The following RASD2 variants were observed in gnomAD, a reference collection of about 807,000 sequenced individuals.
The protein encoded by RASD2 is RASD family member 2.
A neutral mutation model predicts 15.8 loss-of-function variants in RASD2; 7 were observed. That is an observed-to-expected ratio of 0.44 (90% CI 0.25 to 0.83). The LOEUF is 0.83. RASD2 is among the 40% of genes least tolerant of loss of function. The probability of loss-of-function intolerance (pLI) is 0.20; values close to 1 mark genes in which losing one functional copy is unlikely to be tolerated. For synonymous variants in RASD2, 155 were observed against 153.6 expected (o/e 1.01, Z -0.07); for missense variants, 274 against 382.8 (o/e 0.72, Z 2.37).
Position 35,551,711 on chromosome 22 carries a change from G to A in RASD2, c.480G>A (p.Val160=). 1 of 1,613,658 alleles carries A rather than the reference G, an allele frequency of 6.2e-7. No homozygotes were observed. The highest frequency in any genetic ancestry group is 1.1e-5 in the South Asian group (1 of 91,048). Reference sequence around the variant, plus strand: ...CCACCACCGAGGCCGAGCTGCTGGTGTCGGGCGACGAGAACTGCGCCTACT... The same window carrying A: ...CCACCACCGAGGCCGAGCTGCTGGTATCGGGCGACGAGAACTGCGCCTACT... ...QVPTTEAELL[V]SGDENCAYFE... is the part of the protein sequence containing the mutation. The change falls in exon 3 of 3, where the codon GTG becomes GTA. Residue 160 remains valine, a synonymous_variant. Transcript: ENST00000216127. The surrounding 1 kb of genome is among the most constrained non-coding windows in gnomAD (Gnocchi z 4.9).
the RASD2 span, among the ~76,000 whole-genome samples, chr22:35,533,999 G>A: frequency 6.6e-6 from 1 of 152,010 alleles, no homozygotes; most frequent in Non-Finnish European, 1.5e-5. Context: ...TGAGGATGAT[G>A]GTGATAGTGA....
chr22:35,540,303 T>A (rs1431726264), upstream of RASD2, among the ~76,000 whole-genome samples: 1 of 151,462 alleles, frequency 6.6e-6, no homozygotes, highest in African/African-American at 2.4e-5. Flanking sequence ...CCGGGCCGCC[T>A]TCTGGGCAAG....
upstream of RASD2, among the ~76,000 whole-genome samples, chr22:35,536,518 G>A: frequency 6.6e-6 from 1 of 152,106 alleles, no homozygotes. Flanking sequence ...GTAGAGACAG[G>A]GTTTCACCCC....
upstream of RASD2, among the ~76,000 whole-genome samples, chr22:35,536,292 C>T (rs909115467): frequency 2.0e-5 from 3 of 151,104 alleles, no homozygotes; most frequent in African/African-American, 7.3e-5. Context: ...CTGTCATGAG[C>T]ATGTGTTGAA....
Position 35,552,488 on chromosome 22 carries a change from C to T in RASD2, c.*456C>T, listed in dbSNP as rs1934698054. The T allele has an allele frequency of 6.1e-6, 1 of 162,786 alleles. No individual in the cohort carries two copies. Among genetic ancestry groups the T allele is most frequent in the South Asian group, 1.8e-4 (1 of 5,600 alleles). 10.1% of individuals were successfully genotyped at this position (162,786 alleles called of 1,614,324 possible). A position where few individuals can be genotyped will look rare whatever the true frequency, so the allele number is the denominator to read the frequency against. On this transcript the variant is annotated 3_prime_UTR_variant, in exon 3 of 3. Coordinates refer to ENST00000216127, the MANE Select transcript of RASD2 (RefSeq NM_014310.4). The stretch of plus-strand genomic sequence containing the variant: ...GGGTGGCAGCTGGGAGAACTTCTCT[C>T]CCAGCCCTGCAACTCTTACGCTCTG...
At chr22:35,537,512 G>A (rs1468395933), upstream of RASD2, among the ~76,000 whole-genome samples, 1 of 152,150 alleles carries the variant, frequency 6.6e-6, no homozygotes, top group Non-Finnish European at 1.5e-5. Context: ...GAAGCACTTC[G>A]CAGTTTATTT....
the RASD2 span, among the ~76,000 whole-genome samples, chr22:35,534,599 C>T: frequency 2.0e-5 from 3 of 152,196 alleles, no homozygotes; most frequent in Admixed American, 6.5e-5. Flanking sequence ...CTTGGCCCAA[C>T]CTGGTTGATC....
chr22:35,536,671 A>G (rs1210400271), upstream of RASD2, among the ~76,000 whole-genome samples: 1 of 152,094 alleles, frequency 6.6e-6, no homozygotes, highest in African/African-American at 2.4e-5. Context: ...CATGACCTCT[A>G]TGGTATCGCC....
At chr22:35,537,431 G>A (rs1053132499), upstream of RASD2, among the ~76,000 whole-genome samples, 4 of 152,244 alleles carry the variant, frequency 2.6e-5, no homozygotes, top group Non-Finnish European at 5.9e-5. Flanking sequence ...GACGAGGCAT[G>A]TGTCCAAAAT....
chr22:35,546,768 G>T (rs779831381), intron 1 of RASD2, 33 bp from the exon 2 acceptor site: 13 of 1,599,516 alleles, frequency 8.1e-6, no homozygotes, highest in South Asian at 2.3e-5. Flanking sequence ...GGTCGGGGGG[G>T]CCCTGATGCC....
At position 35,553,599 on chromosome 22, in the gene RASD2, T is replaced by A. The variant is rs2145880453; in HGVS notation, c.*1567T>A. On this transcript the variant is annotated 3_prime_UTR_variant, in exon 3 of 3. Coordinates refer to ENST00000216127, the MANE Select transcript of RASD2 (RefSeq NM_014310.4). Reference sequence around the variant, plus strand: ...GCTGGGCATTCAGTACATACCACGATGTGCTCCCTCTCTTGATGCTTGGCC... The same window carrying A: ...GCTGGGCATTCAGTACATACCACGAAGTGCTCCCTCTCTTGATGCTTGGCC... 6.6e-6 allele frequency: 1 copy of A among 152,282 alleles called. No individual in the cohort carries two copies. Among genetic ancestry groups the A allele is most frequent in the Admixed American group, 6.5e-5 (1 of 15,302 alleles). The allele number at this position is 152,282 out of a possible 1,614,324, so 9.4% of individuals were successfully genotyped here. A position where few individuals can be genotyped will look rare whatever the true frequency, so the allele number is the denominator to read the frequency against.
chr22:35,539,904 G>A (rs1187896409), upstream of RASD2, among the ~76,000 whole-genome samples: 2 of 152,216 alleles, frequency 1.3e-5, no homozygotes, highest in Non-Finnish European at 2.9e-5. Context: ...GCAGGCAGGA[G>A]ACGCAATGCT....
At position 35,551,595 on chromosome 22, in the gene RASD2, T is replaced by C. The variant is rs779777831; in HGVS notation, c.364T>C (p.Cys122Arg). The change falls in exon 3 of 3, where the codon TGC becomes CGC. Residue 122 changes from cysteine (C) to arginine (R), a missense_variant. Physicochemically the swap from Cys to Arg is radical, Grantham distance 180. Coordinates refer to ENST00000216127, the MANE Select transcript of RASD2 (RefSeq NM_014310.4). This position sits in a 1 kb window ranked among gnomAD's most constrained non-coding sequence, Gnocchi z 4.9. ...LQKQILEVKS[C>R]LKNKTKEAAE... Reference sequence around the variant, plus strand: ...GAAGCAGATCCTGGAGGTCAAGTCCTGCCTGAAGAACAAGACCAAGGAGGC... The same window carrying C: ...GAAGCAGATCCTGGAGGTCAAGTCCCGCCTGAAGAACAAGACCAAGGAGGC... 6.2e-7 allele frequency: 1 copy of C among 1,614,148 alleles called. No individual in the cohort carries two copies.
chr22:35,550,552 G>A (rs572541622), intron 2 of RASD2, among the ~76,000 whole-genome samples: 8 of 151,444 alleles, frequency 5.3e-5, no homozygotes, highest in South Asian at 2.1e-4. Context: ...CCACCCCACC[G>A]TCTCCACAGC....
chr22:35,551,988 C>A lies in RASD2; in HGVS notation c.757C>A (p.Arg253=). Reference sequence around the variant, plus strand: ...CAAGTACATCAAGGCCAAGGTCCTTCGGGAAGGCCAGGCCCGTGAGAGGGA... The same window carrying A: ...CAAGTACATCAAGGCCAAGGTCCTTAGGGAAGGCCAGGCCCGTGAGAGGGA... The part of the protein sequence containing the change: ...DLKYIKAKVL[R]EGQARERDKC... Residue 253 remains arginine (R), a synonymous_variant, in exon 3 of 3, where the codon CGG becomes AGG. Transcript: ENST00000216127. This position sits in a 1 kb window ranked among gnomAD's most constrained non-coding sequence, Gnocchi z 4.9. 6.2e-7 allele frequency: 1 copy of A among 1,601,018 alleles called. No homozygotes were observed. Among genetic ancestry groups the A allele is most frequent in the Non-Finnish European group, 8.5e-7 (1 of 1,179,898 alleles).
rs538155633 is a variant in RASD2 at position 35,540,836 on chromosome 22, G to C, written c.-674G>C. 6.6e-6 allele frequency: 1 copy of C among 152,508 alleles called. No homozygotes were observed. The highest frequency in any genetic ancestry group is 2.1e-4 in the South Asian group (1 of 4,830). 9.4% of individuals were successfully genotyped at this position (152,508 alleles called of 1,614,324 possible). ...CTCCCACACGCGCGCAGAGCAGAGC[G>C]CCCTGCTCCTCCTTCAGCTGCTGGC... On this transcript the variant is annotated 5_prime_UTR_variant, in exon 1 of 3. Coordinates refer to ENST00000216127, the MANE Select transcript of RASD2 (RefSeq NM_014310.4).
chr22:35,551,351 G>A lies in RASD2; in HGVS notation c.272-152G>A, dbSNP rs185118723. The A allele has an allele frequency of 4.0e-6, 3 of 742,192 alleles. No individual in the cohort carries two copies. The highest frequency in any genetic ancestry group is 1.7e-5 in the African/African-American group (1 of 57,284). The allele number at this position is 742,192 out of a possible 1,614,324, so 46.0% of individuals were successfully genotyped here. ...CAGGGAGAATAATCGCAGCTACCCC[G>A]AAGAGTCGCTGTGTAGGTTAAAGCA... is the stretch of plus-strand genomic sequence containing the variant. On this transcript the variant is annotated intron_variant, in intron 2 of 2. Coordinates refer to ENST00000216127, the MANE Select transcript of RASD2 (RefSeq NM_014310.4). This position sits in a 1 kb window ranked among gnomAD's most constrained non-coding sequence, Gnocchi z 4.9.
chr22:35,542,203 A>G (rs5755740), intron 1 of RASD2, among the ~76,000 whole-genome samples: 39,433 of 152,082 alleles, frequency 0.26, 7,578 homozygotes, highest in East Asian at 0.68. Flanking sequence ...CAGTGAATCA[A>G]GCCTCCTGTG....
chr22:35,543,946 C>A (rs1018665900), intron 1 of RASD2, among the ~76,000 whole-genome samples: 2 of 151,390 alleles, frequency 1.3e-5, no homozygotes, highest in Non-Finnish European at 2.9e-5. Context: ...TCTCTGACTC[C>A]CTGCCTCCTC....
Sources: gnomAD v4.1 joint callset for allele counts (sites outside exome capture counted in the v4.1 genomes callset) on GRCh38, gnomAD v4.1.1 for gene constraint, Gnocchi (gnomAD v3.1) non-coding constraint, MANE v1.5 for transcripts, NCBI Gene and HGNC (gene_info 2026-07-23, HGNC 2026-07-21) for gene names.